The following NR6A1 variants were observed in gnomAD, a reference collection of about 807,000 sequenced individuals.
The protein encoded by NR6A1 is nuclear receptor subfamily 6 group A member 1.
In NR6A1, 7 loss-of-function variants were observed where a neutral mutation model predicts 59.1. That is an observed-to-expected ratio of 0.12 (90% CI 0.07 to 0.22). The LOEUF is 0.22. Among genes scored for constraint, NR6A1 ranks in the 10% least tolerant of loss-of-function variants. The pLI, the probability that NR6A1 is intolerant of heterozygous loss-of-function variation, is 1.00. For missense variants in NR6A1, 468 were observed against 611.6 expected, an observed-to-expected ratio of 0.77 and a Z score of 2.48; for synonymous variants, 243 against 236.1, an observed-to-expected ratio of 1.03 and a Z score of -0.27.
chr9:124,559,309 T>C (rs1436305444), intron 2 of NR6A1, among the ~76,000 whole-genome samples: 1 of 152,196 alleles, frequency 6.6e-6, no homozygotes, highest in Non-Finnish European at 1.5e-5. Context: ...AATAAGGTAC[T>C]TCATTCCATT....
rs193206262 is a variant in NR6A1, at chr9:124,522,805, G to T, written c.1355-12C>A. On this transcript the variant is annotated splice_polypyrimidine_tract_variant and intron_variant, in intron 9 of 9. Transcript: ENST00000487099. ...ATTCACCATCTTTCCTGGGAACAAG[G>T]GGGGAGAAGAAGAGTTAGCAGTGGT... 1.5e-4 allele frequency: 237 copies of T among 1,571,132 alleles called. No individual in the cohort carries two copies. In the East Asian group the frequency reaches 3.9e-3, roughly 26 times the overall value.
At chr9:124,665,008 TCCAAAAAA>T (rs1487874380) in intron 2 of NR6A1, among the ~76,000 whole-genome samples, 8 of 24,680 alleles carry the variant, frequency 3.2e-4, no homozygotes, top group East Asian at 1.3e-3. Flanking sequence ...TCCTTGTATC[TCCAAAAAA>T]AAAAAAAAAA....
chr9:124,588,938 G>GAAA (rs1020296719), intron 2 of NR6A1, among the ~76,000 whole-genome samples: 2 of 129,142 alleles, frequency 1.5e-5, no homozygotes, highest in African/African-American at 7.2e-5. Context: ...AAAAAAGAAA[G>GAAA]AAAAAAAAAA....
intron 2 of NR6A1, chr9:124,598,676 AGGGAAAGAGAGG>A: frequency 2.4e-6 from 1 of 415,080 alleles, no homozygotes; most frequent in Non-Finnish European, 4.2e-6. Flanking sequence ...AAAACAAGGA[AGGGAAAGAGAGG>A]AAAAAAATAA....
At chr9:124,763,304 A>C (rs1333569324) in intron 1 of NR6A1, among the ~76,000 whole-genome samples, 18 of 152,246 alleles carry the variant, frequency 1.2e-4, no homozygotes, top group Non-Finnish European at 4.4e-5. Context: ...ATGACTACTA[A>C]TACAGTTTGT....
chr9:124,693,848 T>C (rs1195441972), intron 2 of NR6A1: 3 of 515,978 alleles, frequency 5.8e-6, no homozygotes, highest in African/African-American at 3.9e-5. Flanking sequence ...GTGCAGCAGC[T>C]ACTGCTGTGA....
chr9:124,548,539 A>T (rs1024320862), intron 3 of NR6A1, among the ~76,000 whole-genome samples: 1 of 149,484 alleles, frequency 6.7e-6, no homozygotes, highest in African/African-American at 2.6e-5. Context: ...TAAGAAATGT[A>T]AAAAAAATGT....
At chr9:124,581,390 C>T (rs929894676) in intron 2 of NR6A1, among the ~76,000 whole-genome samples, 1 of 152,140 alleles carries the variant, frequency 6.6e-6, no homozygotes, top group South Asian at 2.1e-4. Context: ...GTCAAGAGAT[C>T]GAGACCATCT....
intron 2 of NR6A1, among the ~76,000 whole-genome samples, chr9:124,598,314 A>G (rs1239844830): frequency 1.3e-5 from 2 of 151,230 alleles, no homozygotes; most frequent in African/African-American, 4.9e-5. Context: ...TAGTCACTGC[A>G]CTCCAGCTTG....
intron 1 of NR6A1, among the ~76,000 whole-genome samples, chr9:124,757,957 T>C (rs568345054): frequency 6.6e-6 from 1 of 152,220 alleles, no homozygotes; most frequent in Admixed American, 6.5e-5. Flanking sequence ...AAAGCAAACT[T>C]ATTTTGAAAT....
At chr9:124,562,051 G>A (rs1834098554) in intron 2 of NR6A1, among the ~76,000 whole-genome samples, 1 of 152,242 alleles carries the variant, frequency 6.6e-6, no homozygotes, top group African/African-American at 2.4e-5. Flanking sequence ...GACAACTGAA[G>A]GTGGAAGAGT....
intron 1 of NR6A1, among the ~76,000 whole-genome samples, chr9:124,761,516 G>C (rs1452576739): frequency 6.6e-6 from 1 of 152,156 alleles, no homozygotes; most frequent in Admixed American, 6.5e-5. Context: ...ACACTAAAAT[G>C]TTACTCACAC....
intron 2 of NR6A1, among the ~76,000 whole-genome samples, chr9:124,677,281 C>CA (rs773999016): frequency 6.6e-6 from 1 of 152,118 alleles, no homozygotes; most frequent in Non-Finnish European, 1.5e-5. Context: ...CTTCTGGAGA[C>CA]AGAGTCTCAC....
chr9:124,565,162 C>T (rs756649443), intron 2 of NR6A1, among the ~76,000 whole-genome samples: 2 of 152,152 alleles, frequency 1.3e-5, no homozygotes, highest in Non-Finnish European at 2.9e-5. Flanking sequence ...GGTGTGGAGG[C>T]TCACACCTGT....
At chr9:124,597,856 T>G (rs1835322653) in intron 2 of NR6A1, among the ~76,000 whole-genome samples, 1 of 152,176 alleles carries the variant, frequency 6.6e-6, no homozygotes, top group African/African-American at 2.4e-5. Flanking sequence ...TTTATTTTTT[T>G]ATTTGAGACA....
intron 2 of NR6A1, chr9:124,599,322 G>C: frequency 2.7e-6 from 1 of 365,630 alleles, no homozygotes. Flanking sequence ...GGGCGCCCGA[G>C]GCAGGAGAAC....
At position 124,653,417 on chromosome 9, in the gene NR6A1, T is replaced by C. The variant is rs548641908; in HGVS notation, c.142+79891A>G. Among the ~76,000 whole-genome samples the C allele has an allele frequency of 3.9e-5, 6 of 152,204 alleles. No homozygotes were observed. In the East Asian group the frequency reaches 9.7e-4, roughly 25 times the overall value. ...TTTCTGTATTTGTCAGAGGTTTGTT[T>C]TGTTGTTGTTTTTTAAGAGACAGAG... On this transcript the variant is annotated intron_variant, in intron 2 of 9. Transcript: ENST00000487099.
At chr9:124,637,892 CAAAAAA>C (rs796714741) in intron 2 of NR6A1, among the ~76,000 whole-genome samples, 17 of 78,996 alleles carry the variant, frequency 2.2e-4, no homozygotes, top group East Asian at 3.2e-4. Context: ...ACTCCCTCTC[CAAAAAA>C]AAAAAAAAAA....
chr9:124,705,031 T>C (rs899139491), intron 2 of NR6A1, among the ~76,000 whole-genome samples: 4 of 152,236 alleles, frequency 2.6e-5, no homozygotes, highest in Non-Finnish European at 5.9e-5. Flanking sequence ...CCACTGTGCC[T>C]GGCCTAGTTA....
Sources: allele counts gnomAD v4.1 joint callset (sites outside exome capture counted in the v4.1 genomes callset), GRCh38; gene constraint gnomAD v4.1.1; transcripts MANE v1.5; gene names NCBI Gene and HGNC (gene_info 2026-07-23, HGNC 2026-07-21).